WHRN: variants seen among roughly 807,000 people sequenced by gnomAD.
WHRN encodes whirlin.
A neutral mutation model predicts 68.3 loss-of-function variants in WHRN; 41 were observed. That is an observed-to-expected ratio of 0.60 (90% CI 0.47 to 0.78). WHRN has a LOEUF of 0.78. Ranked by LOEUF, WHRN falls within the 30% of genes least tolerant of loss-of-function variation. The pLI, the probability that WHRN is intolerant of heterozygous loss-of-function variation, is 0.00. For synonymous variants in WHRN, 560 were observed against 561.3 expected, an observed-to-expected ratio of 1.00 and a Z score of 0.03; for missense variants, 1,243 against 1,244.7, an observed-to-expected ratio of 1.00 and a Z score of 0.02.
At chr9:114,420,721 T>A (rs1028983980) in intron 7 of WHRN, among the ~76,000 whole-genome samples, 1 of 152,012 alleles carries the variant, frequency 6.6e-6, no homozygotes, top group Non-Finnish European at 1.5e-5. Flanking sequence ...CTCCAGGTAG[T>A]TTTCCCCAGC....
Position 114,406,871 on chromosome 9 carries a change from G to A in WHRN, c.1720C>T (p.Gln574Ter), listed in dbSNP as rs1237553778. The change falls in exon 9 of 12, where the codon CAG (glutamine) becomes TAG (stop). Residue 574 changes from glutamine to a stop codon, truncating the protein, a stop_gained. Transcript: ENST00000362057. LOFTEE classifies it high-confidence loss of function. Reference protein sequence around the residue: ...VSVDDVRSTSQGLSSFKPLPR... With the variant: ...VSVDDVRSTS ...AGTGGCTTGAAGCTTGACAGCCCCT[G>A]GGAGGTGGATCTGACATCATCCTGC... The A allele has an allele frequency of 2.5e-6, 4 of 1,584,090 alleles. No individual in the cohort carries two copies. Among genetic ancestry groups the A allele is most frequent in the Non-Finnish European group, 3.4e-6 (4 of 1,165,340 alleles).
chr9:114,453,892 G>C (rs1414965951), intron 3 of WHRN, among the ~76,000 whole-genome samples: 1 of 152,076 alleles, frequency 6.6e-6, no homozygotes, highest in Non-Finnish European at 1.5e-5. Flanking sequence ...TATCCTTCAT[G>C]AACACAAATG....
chr9:114,420,562 G>C (rs530064590), intron 7 of WHRN, among the ~76,000 whole-genome samples: 1 of 152,318 alleles, frequency 6.6e-6, no homozygotes, highest in South Asian at 2.1e-4. Flanking sequence ...CAAGCCCTGT[G>C]ATGTCAGAGA....
intron 2 of WHRN, among the ~76,000 whole-genome samples, chr9:114,469,806 G>A (rs1254742564): frequency 6.6e-6 from 1 of 152,206 alleles, no homozygotes; most frequent in Non-Finnish European, 1.5e-5. Flanking sequence ...GAAGTATAAA[G>A]TGTGCCAAAA....
chr9:114,465,682 G>C (rs1840621729), intron 3 of WHRN, among the ~76,000 whole-genome samples: 1 of 152,208 alleles, frequency 6.6e-6, no homozygotes, highest in African/African-American at 2.4e-5. Flanking sequence ...GACTGCCTAA[G>C]TTCAAAGTCT....
At chr9:114,405,745 C>T (rs1834979725) in intron 9 of WHRN, among the ~76,000 whole-genome samples, 1 of 152,246 alleles carries the variant, frequency 6.6e-6, no homozygotes, top group Non-Finnish European at 1.5e-5. Context: ...ATCACTGTAG[C>T]CGCAAGATGG....
chr9:114,477,230 C>T (rs917437476), intron 2 of WHRN, among the ~76,000 whole-genome samples: 1 of 152,202 alleles, frequency 6.6e-6, no homozygotes, highest in Admixed American at 6.5e-5. Flanking sequence ...GTCTTATCGA[C>T]AGGAAAAGGA....
chr9:114,469,792 G>A (rs1841045359), intron 2 of WHRN, among the ~76,000 whole-genome samples: 1 of 152,260 alleles, frequency 6.6e-6, no homozygotes, highest in South Asian at 2.1e-4. Flanking sequence ...AGTTTGGGAG[G>A]TTGGAAGTAT....
At chr9:114,489,559 C>T (rs1195144135) in intron 1 of WHRN, among the ~76,000 whole-genome samples, 2 of 151,794 alleles carry the variant, frequency 1.3e-5, no homozygotes, top group African/African-American at 4.8e-5. Context: ...ACTTCTGATT[C>T]CTCTACCTTT....
rs372965420 is a variant in WHRN, at chr9:114,504,388, C to T, written c.414G>A (p.Val138=). ...GGPDSAGPGE[V]RLVSLRRAKA... ...TGGCACGCCGCAAACTCACCAGGCG[C>T]ACCTCCCCTGGCCCCGCGCTGTCGG... The change falls in exon 1 of 12, where the codon GTG becomes GTA. Residue 138 remains valine, a synonymous_variant. Coordinates refer to ENST00000362057, the MANE Select transcript of WHRN (RefSeq NM_015404.4). 3 of 1,606,252 alleles carry T rather than the reference C, an allele frequency of 1.9e-6. No homozygotes were observed. Among genetic ancestry groups the T allele is most frequent in the South Asian group, 1.1e-5 (1 of 91,058 alleles).
chr9:114,423,198 G>A (rs1836470530), intron 7 of WHRN, 116 bp downstream of exon 7: 6 of 1,091,404 alleles, frequency 5.5e-6, no homozygotes, highest in Non-Finnish European at 8.4e-6. Context: ...GAGAGGCAAG[G>A]CACACAGCTG....
At chr9:114,462,172 T>C (rs1840297576) in intron 3 of WHRN, among the ~76,000 whole-genome samples, 1 of 152,200 alleles carries the variant, frequency 6.6e-6, no homozygotes, top group South Asian at 2.1e-4. Context: ...TTGTGCTGGC[T>C]GCCAGGAAGC....
intron 2 of WHRN, 112 bp from the exon 3 acceptor site, chr9:114,466,504 C>G: frequency 1.3e-6 from 2 of 1,491,366 alleles, no homozygotes; most frequent in Admixed American, 3.4e-5. Context: ...ATCCGACTGG[C>G]AAGGAGGCCC....
chr9:114,422,620 T>C (rs1372721304), intron 7 of WHRN, among the ~76,000 whole-genome samples: 1 of 152,014 alleles, frequency 6.6e-6, no homozygotes, highest in African/African-American at 2.4e-5. Context: ...GATCTCCTGA[T>C]GTCAGGAGTT....
At chr9:114,492,017 A>AG (rs1491025949) in intron 1 of WHRN, among the ~76,000 whole-genome samples, 1 of 52,156 alleles carries the variant, frequency 1.9e-5, no homozygotes, top group Admixed American at 2.0e-4. Flanking sequence ...TGTAATTTGA[A>AG]AAAAAAAAAA....
chr9:114,493,172 A>T (rs1475756715), intron 1 of WHRN, among the ~76,000 whole-genome samples: 1 of 151,862 alleles, frequency 6.6e-6, no homozygotes, highest in African/African-American at 2.4e-5. Flanking sequence ...CGACATAGTG[A>T]GACCTCATCT....
In WHRN at chr9:114,406,918, A is replaced by G. The variant is rs1835080066; in HGVS notation, c.1699-26T>C. On this transcript the variant is annotated intron_variant, in intron 8 of 11. Transcript: ENST00000362057. Reference sequence around the variant, plus strand: ...CTGCCAAAAGACCCAACAGGCGGAGAAGGAGTCAGACCCCATCACGCCTGG... The same window carrying G: ...CTGCCAAAAGACCCAACAGGCGGAGGAGGAGTCAGACCCCATCACGCCTGG... 2.6e-6 allele frequency: 4 copies of G among 1,554,376 alleles called. No individual in the cohort carries two copies. In the African/African-American group the frequency reaches 5.5e-5, roughly 21 times the overall value.
intron 3 of WHRN, among the ~76,000 whole-genome samples, chr9:114,440,312 C>T (rs917686761): frequency 2.6e-5 from 4 of 152,158 alleles, no homozygotes; most frequent in African/African-American, 9.7e-5. Context: ...TCTTGGCTTG[C>T]TGCAACCTCT....
At position 114,402,587 on chromosome 9, in the gene WHRN, C is replaced by CT; in HGVS notation, c.*166dup. 1 of 866,596 alleles carries CT rather than the reference C, an allele frequency of 1.2e-6. No homozygotes were observed. Among genetic ancestry groups the CT allele is most frequent in the Non-Finnish European group, 1.9e-6 (1 of 534,320 alleles). 53.7% of individuals were successfully genotyped at this position (866,596 alleles called of 1,614,324 possible). On this transcript the variant is annotated 3_prime_UTR_variant, in exon 12 of 12. Coordinates refer to ENST00000362057, the MANE Select transcript of WHRN (RefSeq NM_015404.4). The stretch of plus-strand genomic sequence containing the variant: ...GACCTTCTGTCTGCCTTGTCCTGCT[C>CT]TCTTCCTCTCCCAGTTCTGGTCCAG...
Sources: gnomAD v4.1 joint callset for allele counts (sites outside exome capture counted in the v4.1 genomes callset) on GRCh38, gnomAD v4.1.1 for gene constraint, MANE v1.5 for transcripts, NCBI Gene and HGNC (gene_info 2026-07-23, HGNC 2026-07-21) for gene names.